CDH13: variants seen among roughly 807,000 people sequenced by gnomAD.
The protein encoded by CDH13 is cadherin 13, also known as cadherin-13.
In CDH13, 24 loss-of-function variants were observed where a neutral mutation model predicts 63.8. The observed-to-expected ratio is 0.38, with a 90% CI of 0.27 to 0.53. CDH13 has a LOEUF of 0.53. Ranked by LOEUF, CDH13 falls within the 20% of genes least tolerant of loss-of-function variation. The pLI is 0.85. For synonymous variants in CDH13, 503 were observed against 355.3 expected, an observed-to-expected ratio of 1.42 and a Z score of -4.67; for missense variants, 1,049 against 903.1, an observed-to-expected ratio of 1.16 and a Z score of -2.07.
At chr16:82,660,775 G>T (rs989689182) in intron 1 of CDH13, among the ~76,000 whole-genome samples, 1 of 152,066 alleles carries the variant, frequency 6.6e-6, no homozygotes, top group African/African-American at 2.4e-5. Flanking sequence ...CATGGCGGGT[G>T]GTTTTCTTTC....
chr16:82,955,989 C>A (rs143629537), intron 2 of CDH13, among the ~76,000 whole-genome samples: 2 of 152,256 alleles, frequency 1.3e-5, no homozygotes, highest in South Asian at 4.2e-4. Flanking sequence ...TTTTTTAACT[C>A]TGTGTACTAG....
intron 10 of CDH13, among the ~76,000 whole-genome samples, chr16:83,711,700 A>G (rs948849531): frequency 1.3e-5 from 2 of 152,104 alleles, no homozygotes. Context: ...TATTTTTAGT[A>G]GAGACGGGAT....
At chr16:82,657,983 G>A (rs547478751) in intron 1 of CDH13, among the ~76,000 whole-genome samples, 4 of 152,172 alleles carry the variant, frequency 2.6e-5, no homozygotes, top group Non-Finnish European at 5.9e-5. Context: ...GCACATCCTT[G>A]CCTTGCTACT....
chr16:82,673,521 G>C (rs370562718), intron 1 of CDH13, among the ~76,000 whole-genome samples: 3 of 152,280 alleles, frequency 2.0e-5, no homozygotes. Context: ...CCCCAGCCCT[G>C]GTGGAGCTTA....
chr16:83,764,253 C>A (rs921510594), intron 11 of CDH13, among the ~76,000 whole-genome samples: 2 of 151,062 alleles, frequency 1.3e-5, no homozygotes, highest in East Asian at 1.9e-4. Context: ...GGGCCATGGA[C>A]CCCCCCACTT....
chr16:83,284,503 A>G (rs934754695), intron 5 of CDH13, among the ~76,000 whole-genome samples: 1 of 152,218 alleles, frequency 6.6e-6, no homozygotes, highest in Non-Finnish European at 1.5e-5. Flanking sequence ...AAATTAGATT[A>G]AGATTAAAGA....
chr16:83,000,826 G>A (rs1490442531), intron 2 of CDH13, among the ~76,000 whole-genome samples: 2 of 152,066 alleles, frequency 1.3e-5, no homozygotes, highest in Non-Finnish European at 2.9e-5. Flanking sequence ...TGATCCGCCC[G>A]CCTCGGCCTC....
intron 4 of CDH13, among the ~76,000 whole-genome samples, chr16:83,170,912 A>C (rs1403507381): frequency 6.8e-6 from 1 of 146,732 alleles, no homozygotes. Flanking sequence ...AAAATTGACA[A>C]AGTTTTGCCT....
chr16:83,645,841 A>G (rs960726367), intron 8 of CDH13, among the ~76,000 whole-genome samples: 3 of 152,206 alleles, frequency 2.0e-5, no homozygotes, highest in African/African-American at 7.2e-5. Context: ...GACAGTGGAA[A>G]TACTAAAAAA....
intron 1 of CDH13, among the ~76,000 whole-genome samples, chr16:82,742,753 G>A (rs1261773364): frequency 6.6e-6 from 1 of 152,144 alleles, no homozygotes; most frequent in Admixed American, 6.5e-5. Context: ...CAGCAGAAAA[G>A]TAATTTAAAT....
chr16:82,798,810 T>C (rs1428461525), intron 1 of CDH13, among the ~76,000 whole-genome samples: 1 of 152,076 alleles, frequency 6.6e-6, no homozygotes, highest in African/African-American at 2.4e-5. Flanking sequence ...CAGCAAGGGA[T>C]CTTGAATATT....
chr16:82,669,218 G>C (rs8058521), intron 1 of CDH13, among the ~76,000 whole-genome samples: 79,235 of 152,006 alleles, frequency 0.52, 21,039 homozygotes, highest in Non-Finnish European at 0.58. Flanking sequence ...AGCCTTTGGG[G>C]CATCATTGAA....
intron 1 of CDH13, among the ~76,000 whole-genome samples, chr16:82,782,954 A>T (rs1209740775): frequency 6.6e-6 from 1 of 152,182 alleles, no homozygotes; most frequent in African/African-American, 2.4e-5. Flanking sequence ...CCAAACAAGA[A>T]CATAGACTTT....
chr16:83,008,539 A>G (rs1284353616), intron 2 of CDH13, among the ~76,000 whole-genome samples: 1 of 152,214 alleles, frequency 6.6e-6, no homozygotes, highest in Non-Finnish European at 1.5e-5. Flanking sequence ...AGAAGGCTGT[A>G]GGTTAGAACA....
At chr16:83,233,858 C>T (rs1188253717) in intron 5 of CDH13, among the ~76,000 whole-genome samples, 2 of 152,158 alleles carry the variant, frequency 1.3e-5, no homozygotes, top group Admixed American at 1.3e-4. Context: ...AGGTGGGCAT[C>T]TCTGGGGGCC....
intron 5 of CDH13, among the ~76,000 whole-genome samples, chr16:83,321,351 G>A (rs1356510504): frequency 6.6e-6 from 1 of 152,120 alleles, no homozygotes; most frequent in Non-Finnish European, 1.5e-5. Flanking sequence ...ACAGCAAGTT[G>A]ATCAACTTGG....
At chr16:83,554,941 G>C (rs1006780716) in intron 7 of CDH13, among the ~76,000 whole-genome samples, 5 of 107,378 alleles carry the variant, frequency 4.7e-5, no homozygotes, top group Non-Finnish European at 9.5e-5. Context: ...TTTTTTTTTA[G>C]AGAACCTCTC....
chr16:82,687,513 A>G lies in CDH13; in HGVS notation c.45+60376A>G, dbSNP rs542646179. The stretch of plus-strand genomic sequence containing the variant: ...CAGAAGGTGAAGGAGGAGCAAAGTC[A>G]CATCTTGCATGGTGACAGGCAAGAG... On this transcript the variant is annotated intron_variant, in intron 1 of 13. Coordinates refer to ENST00000567109, the MANE Select transcript of CDH13 (RefSeq NM_001257.5). Among the ~76,000 whole-genome samples the G allele has an allele frequency of 3.9e-5, 6 of 152,310 alleles. No homozygotes were observed. In the South Asian group the frequency reaches 6.2e-4, roughly 16 times the overall value.
rs1387768037 is a variant in CDH13, at chr16:83,678,227, C to G, written c.1304C>G (p.Ser435Cys). Residue 435 changes from serine to cysteine, a missense_variant, in exon 10 of 14, where the codon TCT becomes TGT. Transcript: ENST00000567109. ...SVVKPLDYEI[S>C]AFHTLLIKVE... is the part of the protein sequence containing the mutation. The stretch of plus-strand genomic sequence containing the variant: ...TTCCAGCCATTGGACTATGAAATTT[C>G]TGCCTTCCACACCCTGCTGATCAAA... The G allele has an allele frequency of 6.2e-7, 1 of 1,612,290 alleles. No individual in the cohort carries two copies. Among genetic ancestry groups the G allele is most frequent in the East Asian group, 2.2e-5 (1 of 44,834 alleles).
Sources: gnomAD v4.1 joint callset for allele counts (sites outside exome capture counted in the v4.1 genomes callset) on GRCh38, gnomAD v4.1.1 for gene constraint, MANE v1.5 for transcripts, NCBI Gene and HGNC (gene_info 2026-07-23, HGNC 2026-07-21) for gene names.